The following TTC28 variants were observed in gnomAD, a reference collection of about 807,000 sequenced individuals.
TTC28 encodes the protein tetratricopeptide repeat domain 28, also known as tetratricopeptide repeat protein 28.
Under a neutral mutation model 198.0 loss-of-function variants are expected in TTC28, and 61 were observed. The observed-to-expected ratio is 0.31, with a 90% CI of 0.25 to 0.38. The LOEUF (loss-of-function observed/expected upper bound fraction) is 0.38. Ranked by LOEUF, TTC28 falls within the 10% of genes least tolerant of loss-of-function variation. The pLI is 1.00. For synonymous variants in TTC28, 1,171 were observed against 1,297.8 expected, an observed-to-expected ratio of 0.90 and a Z score of 2.10; for missense variants, 2,678 against 3,164.0, an observed-to-expected ratio of 0.85 and a Z score of 3.69.
At chr22:28,649,608 G>A (rs1284582137) in intron 1 of TTC28, among the ~76,000 whole-genome samples, 2 of 152,024 alleles carry the variant, frequency 1.3e-5, no homozygotes, top group Non-Finnish European at 2.9e-5. Flanking sequence ...AAACATAATT[G>A]TGATATTCTA....
intron 2 of TTC28, among the ~76,000 whole-genome samples, chr22:28,372,609 T>G (rs2046355336): frequency 6.6e-6 from 1 of 152,066 alleles, no homozygotes; most frequent in Non-Finnish European, 1.5e-5. Flanking sequence ...CGCTCTTTGT[T>G]CTACACACTG....
At chr22:28,318,749 C>T (rs1555967084) in intron 2 of TTC28, among the ~76,000 whole-genome samples, 1 of 148,930 alleles carries the variant, frequency 6.7e-6, no homozygotes, top group Non-Finnish European at 1.5e-5. Context: ...ACCCTACACA[C>T]ATGTCAATGT....
intron 2 of TTC28, among the ~76,000 whole-genome samples, chr22:28,384,488 A>G (rs2046544088): frequency 6.6e-6 from 1 of 152,218 alleles, no homozygotes; most frequent in Admixed American, 6.5e-5. Context: ...TTTGTCCCAT[A>G]CTAGAACATA....
At position 28,282,756 on chromosome 22, in the gene TTC28, T is replaced by G. The variant is rs535965472; in HGVS notation, c.933+13442A>C. On this transcript the variant is annotated intron_variant, in intron 5 of 22. Coordinates refer to ENST00000397906, the MANE Select transcript of TTC28 (RefSeq NM_001145418.2). ...TCTCAAGTTGCTTCTACTCTACATATGAAGAGACTACAAAATGTTATGACT... is the reference window on the plus strand; with the variant it reads ...TCTCAAGTTGCTTCTACTCTACATAGGAAGAGACTACAAAATGTTATGACT... Among the ~76,000 whole-genome samples, 124 of 152,072 alleles carry G rather than the reference T, an allele frequency of 8.2e-4. 1 individual carries two copies. Among genetic ancestry groups the G allele is most frequent in the African/African-American group, 2.8e-3 (118 of 41,454 alleles).
intron 2 of TTC28, among the ~76,000 whole-genome samples, chr22:28,602,737 A>G (rs1172740765): frequency 6.6e-6 from 1 of 152,224 alleles, no homozygotes; most frequent in Non-Finnish European, 1.5e-5. Flanking sequence ...GAAGTATAGT[A>G]TATTTTAAAA....
At chr22:28,537,043 C>T (rs898643591) in intron 2 of TTC28, among the ~76,000 whole-genome samples, 36 of 151,790 alleles carry the variant, frequency 2.4e-4, no homozygotes, top group African/African-American at 8.7e-4. Flanking sequence ...CCTGTAATCC[C>T]AGCACTTCGG....
In TTC28 at chr22:28,030,213, G is replaced by A. The variant is rs989325121; in HGVS notation, c.4073+13C>T. The A allele has an allele frequency of 1.7e-5, 26 of 1,551,272 alleles. No homozygotes were observed. Among genetic ancestry groups the A allele is most frequent in the South Asian group, 4.8e-5 (4 of 84,040 alleles). ...GCCCTGCACTGGGCCTGGGGAAAGC[G>A]CCCCACACTCACCTGTTAAACAGGT... On this transcript the variant is annotated intron_variant, in intron 13 of 22. Coordinates refer to ENST00000397906, the MANE Select transcript of TTC28 (RefSeq NM_001145418.2).
intron 12 of TTC28, among the ~76,000 whole-genome samples, chr22:28,049,823 G>A (rs1466356112): frequency 1.3e-5 from 2 of 152,052 alleles, no homozygotes; most frequent in African/African-American, 4.8e-5. Flanking sequence ...ATGGGTGTAT[G>A]TTCGTGAAGA....
At chr22:28,331,185 C>T (rs998587776) in intron 2 of TTC28, among the ~76,000 whole-genome samples, 3 of 152,060 alleles carry the variant, frequency 2.0e-5, no homozygotes, top group African/African-American at 7.2e-5. Context: ...AAAGGTAAGG[C>T]TCCTGAAGCT....
At chr22:28,506,092 T>G (rs1002485157) in intron 2 of TTC28, among the ~76,000 whole-genome samples, 4 of 152,074 alleles carry the variant, frequency 2.6e-5, no homozygotes, top group African/African-American at 9.7e-5. Flanking sequence ...GGGACCTTCC[T>G]GCGGTGGCTT....
chr22:28,096,138 T>G, intron 11 of TTC28, 52 bp downstream of exon 11: 1 of 1,473,986 alleles, frequency 6.8e-7, no homozygotes. Context: ...TTCATTAGAC[T>G]TTCACAGGTC....
intron 2 of TTC28, among the ~76,000 whole-genome samples, chr22:28,404,027 C>T (rs1234989889): frequency 6.6e-6 from 1 of 152,200 alleles, no homozygotes; most frequent in Non-Finnish European, 1.5e-5. Context: ...TCTCAAATGG[C>T]AGGCTCCAGA....
At chr22:28,523,130 C>T (rs1013560567) in intron 2 of TTC28, among the ~76,000 whole-genome samples, 1 of 151,760 alleles carries the variant, frequency 6.6e-6, no homozygotes, top group East Asian at 1.9e-4. Flanking sequence ...AATATAAAGA[C>T]ACAGAGAGAT....
At chr22:28,529,579 T>G (rs1419631740) in intron 2 of TTC28, among the ~76,000 whole-genome samples, 1 of 152,214 alleles carries the variant, frequency 6.6e-6, no homozygotes, top group Non-Finnish European at 1.5e-5. Flanking sequence ...AGCATGGAGT[T>G]TGAGATCTGA....
intron 2 of TTC28, among the ~76,000 whole-genome samples, chr22:28,516,024 T>A (rs972750784): frequency 1.5e-4 from 23 of 151,822 alleles, no homozygotes; most frequent in African/African-American, 5.1e-4. Flanking sequence ...TGTGCACCTG[T>A]AATCCCAGCT....
intron 2 of TTC28, among the ~76,000 whole-genome samples, chr22:28,563,350 A>C (rs2049921082): frequency 6.6e-6 from 1 of 152,204 alleles, no homozygotes; most frequent in African/African-American, 2.4e-5. Flanking sequence ...AATAAATTTA[A>C]ATCAAAAGTC....
At chr22:28,499,743 T>G (rs2048509998) in intron 2 of TTC28, among the ~76,000 whole-genome samples, 1 of 152,240 alleles carries the variant, frequency 6.6e-6, no homozygotes, top group Admixed American at 6.5e-5. Context: ...AGGTCTAAAT[T>G]AGCTTATTGA....
At chr22:28,498,044 G>C (rs919287503) in intron 2 of TTC28, among the ~76,000 whole-genome samples, 1 of 151,728 alleles carries the variant, frequency 6.6e-6, no homozygotes, top group Non-Finnish European at 1.5e-5. Flanking sequence ...AATTTCCAAC[G>C]ACAGAGTAGC....
intron 5 of TTC28, among the ~76,000 whole-genome samples, chr22:28,281,845 C>T (rs1286652213): frequency 6.6e-6 from 1 of 152,190 alleles, no homozygotes; most frequent in Non-Finnish European, 1.5e-5. Context: ...AATCTGTCCT[C>T]ATATGCCTGG....
Sources: gnomAD v4.1 joint callset for allele counts (sites outside exome capture counted in the v4.1 genomes callset) on GRCh38, gnomAD v4.1.1 for gene constraint, MANE v1.5 for transcripts, NCBI Gene and HGNC (gene_info 2026-07-23, HGNC 2026-07-21) for gene names.